The following ATP8A1 variants were observed in gnomAD, a reference collection of about 807,000 sequenced individuals.
ATP8A1 encodes ATPase phospholipid transporting 8A1.
ATP8A1 carries 90 observed loss-of-function variants against 177.7 expected under a neutral mutation model. The observed-to-expected ratio is 0.51, with a 90% confidence interval of 0.43 to 0.60. The LOEUF (loss-of-function observed/expected upper bound fraction) is 0.60, where lower values mean the gene tolerates loss of function less well. Ranked by LOEUF, ATP8A1 falls within the 20% of genes least tolerant of loss-of-function variation. The pLI is 0.00. For synonymous variants in ATP8A1, 493 were observed against 485.9 expected (o/e 1.01, Z -0.19); for missense variants, 1,072 against 1,392.8 (o/e 0.77, Z 3.67).
At chr4:42,500,385 C>CAA (rs1417143700) in intron 24 of ATP8A1, among the ~76,000 whole-genome samples, 1 of 151,026 alleles carries the variant, frequency 6.6e-6, no homozygotes, top group Non-Finnish European at 1.5e-5. Context: ...CAAAACAAAA[C>CAA]AAAACAAAAC....
chr4:42,436,310 A>G (rs1715991180), intron 33 of ATP8A1, among the ~76,000 whole-genome samples: 1 of 72,464 alleles, frequency 1.4e-5, no homozygotes, highest in Admixed American at 1.5e-4. Flanking sequence ...CCTGGCACAC[A>G]TTAGACGCTC....
intron 15 of ATP8A1, among the ~76,000 whole-genome samples, chr4:42,562,805 G>T (rs1359320261): frequency 6.6e-6 from 1 of 152,174 alleles, no homozygotes. Flanking sequence ...TCCTGCACAA[G>T]CTCTCTTTGC....
intron 25 of ATP8A1, among the ~76,000 whole-genome samples, chr4:42,470,155 G>A (rs977076551): frequency 4.6e-5 from 7 of 152,200 alleles, no homozygotes; most frequent in African/African-American, 1.2e-4. Flanking sequence ...TACTGTAAAC[G>A]TCCCTTTCTC....
rs1252138844 is a variant in ATP8A1, at chr4:42,563,713, TAA to T, written c.1340+5446_1340+5447del. Reference sequence around the variant, plus strand: ...GTGTCACGGCCACTCCAGCCATAACTAAAAGAGGCTAGTGCTTCAGAGGGTGG... The same window carrying T: ...GTGTCACGGCCACTCCAGCCATAACTAAGAGGCTAGTGCTTCAGAGGGTGG... On this transcript the variant is annotated intron_variant, in intron 15 of 36. Coordinates refer to ENST00000381668, the MANE Select transcript of ATP8A1 (RefSeq NM_006095.2). Among the ~76,000 whole-genome samples the T allele has an allele frequency of 6.6e-5, 10 of 152,312 alleles. No individual in the cohort carries two copies. The East Asian group carries it at 1.5e-3, about 24-fold the overall frequency.
intron 4 of ATP8A1, among the ~76,000 whole-genome samples, chr4:42,616,605 C>T (rs1481200257): frequency 1.3e-5 from 2 of 152,234 alleles, no homozygotes; most frequent in East Asian, 3.8e-4. Flanking sequence ...ATGTCTACCA[C>T]TGGCATACAG....
At chr4:42,462,300 G>C (rs189755112) in intron 27 of ATP8A1, among the ~76,000 whole-genome samples, 1 of 152,320 alleles carries the variant, frequency 6.6e-6, no homozygotes, top group African/African-American at 2.4e-5. Flanking sequence ...CAGGCCCAGA[G>C]GCCTACAAGG....
At chr4:42,423,408 T>G (rs373255752) in intron 34 of ATP8A1, among the ~76,000 whole-genome samples, 2 of 152,216 alleles carry the variant, frequency 1.3e-5, no homozygotes, top group Non-Finnish European at 1.5e-5. Context: ...TACTTTTCTC[T>G]GTTAACTGAA....
intron 24 of ATP8A1, among the ~76,000 whole-genome samples, chr4:42,490,970 A>C (rs912594714): frequency 6.6e-6 from 1 of 152,156 alleles, no homozygotes; most frequent in African/African-American, 2.4e-5. Flanking sequence ...ATTATTAATG[A>C]TTGGAGAATA....
chr4:42,514,993 A>AT (rs1178309593), intron 22 of ATP8A1, among the ~76,000 whole-genome samples: 2 of 152,368 alleles, frequency 1.3e-5, no homozygotes, highest in East Asian at 3.9e-4. Context: ...AAATTAATAA[A>AT]TTATTCACAT....
intron 23 of ATP8A1, among the ~76,000 whole-genome samples, chr4:42,505,703 C>T (rs1724295695): frequency 6.6e-6 from 1 of 152,048 alleles, no homozygotes; most frequent in African/African-American, 2.4e-5. Context: ...AGGCTGACTG[C>T]TAATACTTCT....
chr4:42,551,330 T>C (rs1445761590), intron 17 of ATP8A1, 50 bp from the exon 18 acceptor site: 1 of 1,319,542 alleles, frequency 7.6e-7, no homozygotes, highest in East Asian at 2.3e-5. Flanking sequence ...AAAAAAAATA[T>C]TCTCAGCACA....
At chr4:42,573,835 T>C (rs888478529) in intron 14 of ATP8A1, among the ~76,000 whole-genome samples, 2 of 152,142 alleles carry the variant, frequency 1.3e-5, no homozygotes, top group African/African-American at 2.4e-5. Flanking sequence ...CATGCTTGTA[T>C]GAGTAGGAGG....
chr4:42,473,940 C>A (rs545143654), intron 25 of ATP8A1, among the ~76,000 whole-genome samples: 3 of 152,156 alleles, frequency 2.0e-5, no homozygotes, highest in Middle Eastern at 3.4e-3. Flanking sequence ...AGGTGTGAGC[C>A]ATCATGCACA....
chr4:42,440,696 G>A (rs1325009040), intron 33 of ATP8A1, among the ~76,000 whole-genome samples: 1 of 152,098 alleles, frequency 6.6e-6, no homozygotes, highest in Non-Finnish European at 1.5e-5. Context: ...TATTCATGAG[G>A]TATTATTGGT....
chr4:42,656,135 C>G (rs1741589776), intron 1 of ATP8A1, among the ~76,000 whole-genome samples: 1 of 152,182 alleles, frequency 6.6e-6, no homozygotes, highest in Admixed American at 6.5e-5. Context: ...ATCTGTTGCT[C>G]AGTGTTGACA....
rs11311245 is a variant in ATP8A1, at chr4:42,446,080, C to CAAAAAAA, written c.2958+496_2958+502dup. On this transcript the variant is annotated intron_variant, in intron 31 of 36. Transcript: ENST00000381668. The stretch of plus-strand genomic sequence containing the variant: ...GGGCGACAAGAGTGAAACGCCCTCT[C>CAAAAAAA]AAAAAAAAAAAAAAAAAAAGAGAAG... Among the ~76,000 whole-genome samples the CAAAAAAA allele has an allele frequency of 7.1e-4, 45 of 63,734 alleles. 1 individual carries two copies. The highest frequency in any genetic ancestry group is 2.0e-3 in the East Asian group (2 of 990). The allele number at this position is 63,734 out of a possible 152,430, so 41.8% of individuals were successfully genotyped here.
Position 42,624,556 on chromosome 4 carries a change from T to C in ATP8A1, c.343A>G (p.Lys115Glu). The change falls in exon 4 of 37, where the codon AAA becomes GAA. Residue 115 changes from lysine (K) to glutamate (E), a missense_variant. Lys to Glu is a moderately conservative substitution (Grantham distance 56, BLOSUM62 1). Around this residue, in one of 5 missense-constraint regions of ATP8A1, gnomAD observed 344 missense variants for 393.5 expected, o/e 0.87. Coordinates refer to ENST00000381668, the MANE Select transcript of ATP8A1 (RefSeq NM_006095.2). ...LLFILAVAAI[K>E]EIIEDIKRHK... The stretch of plus-strand genomic sequence containing the variant: ...CTTACAATATCTTCTATTATCTCTT[T>C]GATAGCTGCCACAGCTAAAATAAAT... 1 of 1,490,334 alleles carries C rather than the reference T, an allele frequency of 6.7e-7. No homozygotes were observed. Among genetic ancestry groups the C allele is most frequent in the Non-Finnish European group, 9.0e-7 (1 of 1,115,026 alleles). The allele number at this position is 1,490,334 out of a possible 1,614,324, so 92.3% of individuals were successfully genotyped here.
intron 6 of ATP8A1, among the ~76,000 whole-genome samples, chr4:42,598,362 C>T (rs1734925184): frequency 6.6e-6 from 1 of 152,068 alleles, no homozygotes; most frequent in Non-Finnish European, 1.5e-5. Context: ...TTATTCTATA[C>T]TACTTAAATC....
chr4:42,515,451 C>A (rs1725434359), intron 22 of ATP8A1, among the ~76,000 whole-genome samples: 1 of 152,174 alleles, frequency 6.6e-6, no homozygotes, highest in Non-Finnish European at 1.5e-5. Context: ...ATCCTCTAAA[C>A]CATTTGTTGC....
Sources: allele counts gnomAD v4.1 joint callset (sites outside exome capture counted in the v4.1 genomes callset), GRCh38; gene constraint gnomAD v4.1.1; regional missense constraint gnomAD v4.1.1; transcripts MANE v1.5; gene names NCBI Gene and HGNC (gene_info 2026-07-23, HGNC 2026-07-21).